Variants in ELMO1 observed in about 807,000 individuals in gnomAD.
ELMO1 encodes the protein engulfment and cell motility protein 1.
A neutral mutation model predicts 98.9 loss-of-function variants in ELMO1; 26 were observed. That is an observed-to-expected ratio of 0.26 (90% CI 0.19 to 0.36). The LOEUF (loss-of-function observed/expected upper bound fraction) is 0.36. Among genes scored for constraint, ELMO1 ranks in the 10% least tolerant of loss-of-function variants. The pLI is 1.00. For missense variants in ELMO1, 627 were observed against 935.2 expected (o/e 0.67, Z 4.30); for synonymous variants, 346 against 346.0 (o/e 1.00, Z 0.00).
intron 15 of ELMO1, among the ~76,000 whole-genome samples, chr7:37,086,743 C>CAAAAAAA (rs755237121): frequency 1.6e-4 from 8 of 48,770 alleles, no homozygotes; most frequent in African/African-American, 3.6e-4. Context: ...ATCCTGTCTC[C>CAAAAAAA]AAAAAAAAAA....
At chr7:36,941,297 T>C (rs1383866911) in intron 16 of ELMO1, among the ~76,000 whole-genome samples, 2 of 152,254 alleles carry the variant, frequency 1.3e-5, no homozygotes. Flanking sequence ...TACGACAATG[T>C]GCCTTTCTGC....
chr7:37,346,881 C>T (rs375682972), intron 1 of ELMO1, among the ~76,000 whole-genome samples: 28 of 152,174 alleles, frequency 1.8e-4, no homozygotes, highest in Admixed American at 7.9e-4. Flanking sequence ...GTATTTATTT[C>T]TCAGACCGTT....
intron 1 of ELMO1, among the ~76,000 whole-genome samples, chr7:37,428,030 G>GGGGTGTGT (rs71554509): frequency 9.3e-5 from 14 of 149,792 alleles, no homozygotes; most frequent in African/African-American, 3.2e-4. Flanking sequence ...GTATGCTTGG[G>GGGGTGTGT]GTGTGTGTGT....
At chr7:37,174,782 C>G (rs1563056495) in intron 13 of ELMO1, among the ~76,000 whole-genome samples, 1 of 152,128 alleles carries the variant, frequency 6.6e-6, no homozygotes, top group Non-Finnish European at 1.5e-5. Context: ...TAAAATGGAA[C>G]CCAGCTGTCC....
intron 1 of ELMO1, among the ~76,000 whole-genome samples, chr7:37,356,661 A>G (rs1342853293): frequency 6.6e-6 from 1 of 151,994 alleles, no homozygotes; most frequent in African/African-American, 2.4e-5. Flanking sequence ...CCTAATATAG[A>G]TGACAGGTTG....
At chr7:37,167,791 T>C (rs1181856755) in intron 13 of ELMO1, among the ~76,000 whole-genome samples, 1 of 150,474 alleles carries the variant, frequency 6.6e-6, no homozygotes, top group Non-Finnish European at 1.5e-5. Context: ...TCATTTCAAC[T>C]TTGGTGAATC....
intron 2 of ELMO1, among the ~76,000 whole-genome samples, chr7:37,319,168 C>T (rs750493545): frequency 2.0e-5 from 3 of 152,176 alleles, no homozygotes; most frequent in Admixed American, 2.0e-4. Context: ...AACTCTCCTG[C>T]AGGTATCTTA....
intron 6 of ELMO1, among the ~76,000 whole-genome samples, chr7:37,249,606 G>A (rs1433230270): frequency 6.6e-6 from 1 of 152,162 alleles, no homozygotes; most frequent in Non-Finnish European, 1.5e-5. Flanking sequence ...CAAGGTATTG[G>A]AAATAGACAT....
At chr7:37,178,246 T>C (rs1017784252) in intron 13 of ELMO1, among the ~76,000 whole-genome samples, 1 of 151,694 alleles carries the variant, frequency 6.6e-6, no homozygotes, top group Non-Finnish European at 1.5e-5. Flanking sequence ...TGTCTTACAC[T>C]ACAACAGGCA....
At chr7:37,326,580 A>T (rs1171548128) in intron 2 of ELMO1, among the ~76,000 whole-genome samples, 2 of 151,518 alleles carry the variant, frequency 1.3e-5, no homozygotes, top group Non-Finnish European at 2.9e-5. Flanking sequence ...AAAATGAAAG[A>T]TGATACTCTG....
At chr7:37,153,484 C>T (rs142319627) in intron 13 of ELMO1, among the ~76,000 whole-genome samples, 2 of 152,192 alleles carry the variant, frequency 1.3e-5, no homozygotes, top group African/African-American at 4.8e-5. Flanking sequence ...AGGAGATTCC[C>T]TCCTGTGCCT....
At chr7:36,861,479 T>G (rs2302636) in intron 21 of ELMO1, among the ~76,000 whole-genome samples, 180 bp downstream of exon 21, 3 of 152,140 alleles carry the variant, frequency 2.0e-5, no homozygotes, top group Non-Finnish European at 4.4e-5. Context: ...TACTAAGAAG[T>G]TGAATCTGTT....
intron 16 of ELMO1, among the ~76,000 whole-genome samples, chr7:36,964,530 T>C (rs1432674179): frequency 2.6e-5 from 4 of 152,246 alleles, no homozygotes; most frequent in South Asian, 4.1e-4. Flanking sequence ...GGAACCATTG[T>C]AATTTGGAAA....
At chr7:37,395,965 C>T (rs1245930462) in intron 1 of ELMO1, among the ~76,000 whole-genome samples, 2 of 151,386 alleles carry the variant, frequency 1.3e-5, no homozygotes, top group South Asian at 2.1e-4. Flanking sequence ...TTCGCCTTTA[C>T]TTATTTCTTC....
At chr7:37,305,284 T>C (rs976662549) in intron 4 of ELMO1, among the ~76,000 whole-genome samples, 2 of 152,226 alleles carry the variant, frequency 1.3e-5, no homozygotes, top group African/African-American at 4.8e-5. Flanking sequence ...CGTTATTTGC[T>C]ATAATGAGAA....
chr7:37,059,907 C>T (rs1305247586), intron 15 of ELMO1, among the ~76,000 whole-genome samples: 1 of 152,212 alleles, frequency 6.6e-6, no homozygotes, highest in Non-Finnish European at 1.5e-5. Context: ...TACACATGGG[C>T]CACCTGTTGG....
Position 37,050,503 on chromosome 7 carries a change from G to C in ELMO1, c.1301-37068C>G, listed in dbSNP as rs139533296. 1.7e-3 allele frequency among the ~76,000 whole-genome samples: 262 copies of C among 152,132 alleles called. 5 individuals are homozygous for C. The highest frequency in any genetic ancestry group is 6.0e-3 in the African/African-American group (249 of 41,502). On this transcript the variant is annotated intron_variant, in intron 15 of 21. Coordinates refer to ENST00000310758, the MANE Select transcript of ELMO1 (RefSeq NM_014800.11). ...CAAGCCTTACAACAACTCTGCAAGG[G>C]AGTGCACGCAAATCTGGGGACCTAA...
intron 6 of ELMO1, among the ~76,000 whole-genome samples, chr7:37,255,344 C>T (rs1455617178): frequency 6.6e-6 from 1 of 152,212 alleles, no homozygotes; most frequent in Non-Finnish European, 1.5e-5. Context: ...TCCAGAGCAA[C>T]CTCAGCAGAA....
intron 13 of ELMO1, among the ~76,000 whole-genome samples, chr7:37,149,874 A>G (rs1456904379): frequency 6.6e-6 from 1 of 152,194 alleles, no homozygotes; most frequent in African/African-American, 2.4e-5. Flanking sequence ...CCCTTTGTAA[A>G]TGTTTAATGT....
Sources: gnomAD v4.1 joint callset for allele counts (sites outside exome capture counted in the v4.1 genomes callset) on GRCh38, gnomAD v4.1.1 for gene constraint, MANE v1.5 for transcripts, NCBI Gene and HGNC (gene_info 2026-07-23, HGNC 2026-07-21) for gene names.